Variants in UMAD1 observed in about 807,000 individuals in gnomAD.
UMAD1 encodes the protein UBAP1-MVB12-associated (UMA) domain containing 1.
In UMAD1, 8 loss-of-function variants were observed where a neutral mutation model predicts 6.1. The ratio of observed to expected loss-of-function variants is 1.30; its 90% CI spans 0.76 to 2.35. UMAD1 has a LOEUF of 2.35. Ranked by LOEUF, UMAD1 falls within the 30% of genes most tolerant of loss-of-function variation. The pLI is 0.00. For synonymous variants in UMAD1, 56 were observed against 31.4 expected, an observed-to-expected ratio of 1.78 and a Z score of -2.61; for missense variants, 130 against 78.4, an observed-to-expected ratio of 1.66 and a Z score of -2.49.
intron 2 of UMAD1, among the ~76,000 whole-genome samples, chr7:7,722,684 C>G (rs1177774663): frequency 6.6e-6 from 1 of 152,146 alleles, no homozygotes; most frequent in Non-Finnish European, 1.5e-5. Flanking sequence ...AGAGTCTTAC[C>G]TCCTGTAGAG....
chr7:7,782,888 C>A (rs568573881), intron 2 of UMAD1, among the ~76,000 whole-genome samples: 82 of 151,998 alleles, frequency 5.4e-4, no homozygotes, highest in South Asian at 3.1e-3. Flanking sequence ...CGCCACCACA[C>A]CCAGCTAATA....
At chr7:7,773,898 A>T (rs1452380603) in intron 2 of UMAD1, among the ~76,000 whole-genome samples, 4 of 152,112 alleles carry the variant, frequency 2.6e-5, no homozygotes, top group African/African-American at 9.7e-5. Flanking sequence ...TATAAGGAGG[A>T]CGAGTCTATA....
At chr7:7,852,593 T>G (rs1197813852) in intron 3 of UMAD1, among the ~76,000 whole-genome samples, 1 of 152,138 alleles carries the variant, frequency 6.6e-6, no homozygotes, top group Non-Finnish European at 1.5e-5. Flanking sequence ...AAAGGATATT[T>G]TAAAGGATAC....
intron 2 of UMAD1, among the ~76,000 whole-genome samples, chr7:7,770,182 G>A (rs1432459941): frequency 6.6e-6 from 1 of 152,012 alleles, no homozygotes; most frequent in Non-Finnish European, 1.5e-5. Context: ...GATAATATCT[G>A]GCACATACTC....
At chr7:7,733,070 C>T (rs1345999122) in intron 2 of UMAD1, among the ~76,000 whole-genome samples, 1 of 152,156 alleles carries the variant, frequency 6.6e-6, no homozygotes, top group Non-Finnish European at 1.5e-5. Context: ...CCCAAAAAGT[C>T]TTAAGCCAGA....
intron 2 of UMAD1, among the ~76,000 whole-genome samples, chr7:7,698,798 T>C (rs1780379033): frequency 1.3e-5 from 2 of 151,982 alleles, no homozygotes; most frequent in South Asian, 4.2e-4. Flanking sequence ...CATCTCAAAG[T>C]GATTTGGAGC....
chr7:7,789,349 TGG>T (rs1782519762), intron 2 of UMAD1, among the ~76,000 whole-genome samples: 4 of 144,802 alleles, frequency 2.8e-5, no homozygotes, highest in African/African-American at 8.7e-5. Context: ...AATGTGAATA[TGG>T]AGTAGAGACT....
chr7:7,748,864 A>G (rs945685480), intron 2 of UMAD1, among the ~76,000 whole-genome samples: 102 of 152,282 alleles, frequency 6.7e-4, no homozygotes, highest in African/African-American at 2.4e-3. Flanking sequence ...ATTTAGCTCT[A>G]TCAGCCAGGC....
At chr7:7,788,297 A>T (rs1425377130) in intron 2 of UMAD1, among the ~76,000 whole-genome samples, 1 of 152,214 alleles carries the variant, frequency 6.6e-6, no homozygotes, top group Non-Finnish European at 1.5e-5. Context: ...AAGCATGAAG[A>T]TTGAGTACAT....
intron 3 of UMAD1, among the ~76,000 whole-genome samples, chr7:7,869,007 C>A (rs1356751176): frequency 6.6e-6 from 1 of 152,136 alleles, no homozygotes; most frequent in Non-Finnish European, 1.5e-5. Context: ...TTTGCCGTTG[C>A]AATATGATTT....
At chr7:7,812,456 G>A (rs1783038669) in intron 3 of UMAD1, among the ~76,000 whole-genome samples, 1 of 152,126 alleles carries the variant, frequency 6.6e-6, no homozygotes, top group South Asian at 2.1e-4. Flanking sequence ...GTAACTTTAA[G>A]TGCCCAACAC....
At chr7:7,752,917 A>G (rs866667296) in intron 2 of UMAD1, among the ~76,000 whole-genome samples, 1 of 152,128 alleles carries the variant, frequency 6.6e-6, no homozygotes, top group Non-Finnish European at 1.5e-5. Flanking sequence ...GAAAAGTTGC[A>G]TAAGATTCAG....
At chr7:7,663,430 C>T (rs1287849818) in intron 1 of UMAD1, among the ~76,000 whole-genome samples, 1 of 152,114 alleles carries the variant, frequency 6.6e-6, no homozygotes, top group Non-Finnish European at 1.5e-5. Context: ...TCTTCTCTTG[C>T]TTATCCTCTC....
At position 7,698,239 on chromosome 7, in the gene UMAD1, C is replaced by T. The variant is rs1196456017; in HGVS notation, c.82+24786C>T. Among the ~76,000 whole-genome samples, 4 of 152,264 alleles carry T rather than the reference C, an allele frequency of 2.6e-5. No homozygotes were observed. In the East Asian group the frequency reaches 7.7e-4, roughly 29 times the overall value. On this transcript the variant is annotated intron_variant, in intron 2 of 3. Coordinates refer to ENST00000682710, the MANE Select transcript of UMAD1 (RefSeq NM_001302348.2). ...TGGATGAAATTTAGTAAGATATAGA[C>T]AGGGCAGATTTATTTCTGTGAGAAG...
intron 2 of UMAD1, among the ~76,000 whole-genome samples, chr7:7,721,957 C>T (rs554018969): frequency 5.9e-5 from 9 of 152,116 alleles, no homozygotes; most frequent in African/African-American, 1.7e-4. Context: ...GGCAGGAAAA[C>T]GTGAAAAGGC....
chr7:7,754,708 T>C (rs977775134), intron 2 of UMAD1, among the ~76,000 whole-genome samples: 1 of 152,244 alleles, frequency 6.6e-6, no homozygotes, highest in Non-Finnish European at 1.5e-5. Flanking sequence ...AATTTCATTA[T>C]TGGAAAACTT....
At position 7,761,511 on chromosome 7, in the gene UMAD1, T is replaced by C. The variant is rs76203213; in HGVS notation, c.83-40159T>C. Among the ~76,000 whole-genome samples, 537 of 152,364 alleles carry C rather than the reference T, an allele frequency of 3.5e-3. 6 individuals carry two copies. The highest frequency in any genetic ancestry group is 0.012 in the African/African-American group (511 of 41,580). ...CTTTGGTTTCAATGCTCCTCTCCTT[T>C]TCACATCCTTGTGCAGTACACAAAT... On this transcript the variant is annotated intron_variant, in intron 2 of 3. Transcript: ENST00000682710.
intron 3 of UMAD1, among the ~76,000 whole-genome samples, chr7:7,838,629 C>T (rs1038420333): frequency 6.6e-6 from 1 of 152,104 alleles, no homozygotes; most frequent in African/African-American, 2.4e-5. Flanking sequence ...CTCTTGTACA[C>T]TGATAGACAT....
chr7:7,765,992 G>A (rs563610851), intron 2 of UMAD1, among the ~76,000 whole-genome samples: 23 of 152,136 alleles, frequency 1.5e-4, no homozygotes, highest in South Asian at 2.1e-4. Flanking sequence ...GTTACATATC[G>A]TTGTAATAGT....
Sources: allele counts gnomAD v4.1 joint callset (sites outside exome capture counted in the v4.1 genomes callset), GRCh38; gene constraint gnomAD v4.1.1; transcripts MANE v1.5; gene names NCBI Gene and HGNC (gene_info 2026-07-23, HGNC 2026-07-21).